ZDHHC20: variants seen among roughly 807,000 people sequenced by gnomAD.
ZDHHC20 encodes the protein palmitoyltransferase ZDHHC20.
In ZDHHC20, 43 loss-of-function variants were observed where a neutral mutation model predicts 57.8. The ratio of observed to expected loss-of-function variants is 0.74; its 90% CI spans 0.58 to 0.96. The LOEUF (loss-of-function observed/expected upper bound fraction) is 0.96, where lower values mean the gene tolerates loss of function less well. Ranked by LOEUF, ZDHHC20 falls within the 40% of genes least tolerant of loss-of-function variation. The probability of loss-of-function intolerance (pLI) is 0.00; values close to 1 mark genes in which losing one functional copy is unlikely to be tolerated. For synonymous variants in ZDHHC20, 157 were observed against 153.0 expected, an observed-to-expected ratio of 1.03 and a Z score of -0.19; for missense variants, 391 against 441.1, an observed-to-expected ratio of 0.89 and a Z score of 1.02.
chr13:21,445,776 G>A (rs7981970), intron 1 of ZDHHC20, among the ~76,000 whole-genome samples: 59,568 of 152,006 alleles, frequency 0.39, 11,930 homozygotes, highest in Non-Finnish European at 0.43. Flanking sequence ...CGACTGGAGA[G>A]AAACAAAAAT....
At chr13:21,454,238 A>C (rs528804210) in intron 1 of ZDHHC20, among the ~76,000 whole-genome samples, 111 of 152,222 alleles carry the variant, frequency 7.3e-4, no homozygotes, top group African/African-American at 2.5e-3. Context: ...AGGCAGGAGA[A>C]TTGCTTGAAC....
intron 11 of ZDHHC20, among the ~76,000 whole-genome samples, chr13:21,379,763 AT>A (rs1872904153): frequency 6.6e-6 from 1 of 152,046 alleles, no homozygotes; most frequent in Admixed American, 6.5e-5. Context: ...CAATTCATAA[AT>A]GATTAAGAGT....
At chr13:21,450,578 G>A (rs980856508) in intron 1 of ZDHHC20, among the ~76,000 whole-genome samples, 2 of 151,886 alleles carry the variant, frequency 1.3e-5, no homozygotes, top group African/African-American at 2.4e-5. Context: ...TAGTAGTCAT[G>A]AGAAAAAAAA....
chr13:21,379,510 G>C (rs537800948), intron 11 of ZDHHC20, among the ~76,000 whole-genome samples: 44 of 152,096 alleles, frequency 2.9e-4, no homozygotes, highest in African/African-American at 1.0e-3. Context: ...TCAAACTCCT[G>C]AGCTCAAGTG....
chr13:21,403,688 TG>T (rs1415868820), intron 4 of ZDHHC20, among the ~76,000 whole-genome samples: 1 of 152,072 alleles, frequency 6.6e-6, no homozygotes, highest in Non-Finnish European at 1.5e-5. Context: ...CTTTTTTGTT[TG>T]TTTTTTTGTT....
intron 4 of ZDHHC20, 49 bp downstream of exon 4, chr13:21,413,603 A>T (rs776323874): frequency 6.5e-7 from 1 of 1,530,932 alleles, no homozygotes; most frequent in Non-Finnish European, 8.8e-7. Flanking sequence ...GGCAGGAATA[A>T]GCATACTTTA....
chr13:21,459,274 C>A lies in ZDHHC20; in HGVS notation c.-103G>T, dbSNP rs1466002344. On this transcript the variant is annotated 5_prime_UTR_variant, in exon 1 of 13. Transcript: ENST00000400590. ...CTCCAGGCGGCTGCTGGTCCAGCTC[C>A]CCCGCCTCCGAGGCAGGACTTGTGG... The A allele has an allele frequency of 3.6e-6, 3 of 840,870 alleles. No individual in the cohort carries two copies. Among genetic ancestry groups the A allele is most frequent in the Non-Finnish European group, 5.3e-6 (3 of 569,056 alleles). The allele number at this position is 840,870 out of a possible 1,614,324, so 52.1% of individuals were successfully genotyped here.
chr13:21,458,187 TC>T (rs1222264237), intron 1 of ZDHHC20, among the ~76,000 whole-genome samples: 32 of 152,154 alleles, frequency 2.1e-4, no homozygotes. Context: ...TTTCCTTCAA[TC>T]TTAAAGGCAA....
rs1179923335 is a variant in ZDHHC20, at chr13:21,374,455, G to T, written c.*2241C>A. The T allele has an allele frequency of 4.4e-6, 2 of 454,862 alleles. No individual in the cohort carries two copies. The highest frequency in any genetic ancestry group is 8.8e-6 in the Non-Finnish European group (2 of 226,246). 28.2% of individuals were successfully genotyped at this position (454,862 alleles called of 1,614,324 possible). A position where few individuals can be genotyped will look rare whatever the true frequency, so the allele number is the denominator to read the frequency against. ...TTGCCATTTTGACCAGGCTAATCTC[G>T]AACCCCTGACCTCAGGTGATCCGCC... On this transcript the variant is annotated 3_prime_UTR_variant, in exon 13 of 13. Coordinates refer to ENST00000400590, the MANE Select transcript of ZDHHC20 (RefSeq NM_001330059.2).
chr13:21,399,301 C>T (rs989777569), intron 7 of ZDHHC20, among the ~76,000 whole-genome samples: 8 of 151,728 alleles, frequency 5.3e-5, no homozygotes, highest in South Asian at 4.2e-4. Flanking sequence ...GATGAGATCG[C>T]GCCACTGCAC....
intron 3 of ZDHHC20, among the ~76,000 whole-genome samples, chr13:21,419,070 AC>A (rs1880346800): frequency 6.6e-6 from 1 of 152,184 alleles, no homozygotes; most frequent in Non-Finnish European, 1.5e-5. Flanking sequence ...AGAATTATTT[AC>A]TTTTTACACA....
At chr13:21,447,194 C>G (rs370996722) in intron 1 of ZDHHC20, among the ~76,000 whole-genome samples, 2 of 150,662 alleles carry the variant, frequency 1.3e-5, no homozygotes, top group South Asian at 2.2e-4. Flanking sequence ...CAGAGACCGC[C>G]GAGGTGCGGG....
At chr13:21,459,013 G>T in intron 1 of ZDHHC20, 41 bp downstream of exon 1, 5 of 1,518,764 alleles carry the variant, frequency 3.3e-6, no homozygotes, top group Non-Finnish European at 4.5e-6. Flanking sequence ...CGCCCTAGCC[G>T]CGGCCCGCGC....
intron 12 of ZDHHC20, chr13:21,377,143 G>T: frequency 5.7e-6 from 1 of 175,726 alleles, no homozygotes; most frequent in Non-Finnish European, 1.2e-5. Context: ...CATGGACCTG[G>T]CTTACAATCA....
intron 9 of ZDHHC20, among the ~76,000 whole-genome samples, chr13:21,383,480 C>CTTCT (rs1873818436): frequency 6.6e-6 from 1 of 151,700 alleles, no homozygotes; most frequent in Non-Finnish European, 1.5e-5. Context: ...TACCCAGTTT[C>CTTCT]GGGTATGTCT....
chr13:21,437,477 A>G (rs924395909), intron 1 of ZDHHC20, among the ~76,000 whole-genome samples: 1 of 152,240 alleles, frequency 6.6e-6, no homozygotes, highest in African/African-American at 2.4e-5. Flanking sequence ...GAACTTTCCT[A>G]GCCAGAGAGA....
At chr13:21,404,286 C>T (rs559777311) in intron 4 of ZDHHC20, 15 of 494,244 alleles carry the variant, frequency 3.0e-5, no homozygotes, top group African/African-American at 2.1e-4. Context: ...TTTCTAAAGC[C>T]GACTTCCCCT....
chr13:21,448,868 C>T (rs1297661310), intron 1 of ZDHHC20, among the ~76,000 whole-genome samples: 3 of 88,820 alleles, frequency 3.4e-5, no homozygotes, highest in Non-Finnish European at 5.5e-5. Context: ...TTTTGTTCTG[C>T]ACTAAGAAAA....
At chr13:21,441,210 T>G (rs1653191395) in intron 1 of ZDHHC20, among the ~76,000 whole-genome samples, 1 of 152,222 alleles carries the variant, frequency 6.6e-6, no homozygotes, top group Admixed American at 6.5e-5. Flanking sequence ...TGTTGAATTA[T>G]TCTGTCTATG....
Sources: gnomAD v4.1 joint callset for allele counts (sites outside exome capture counted in the v4.1 genomes callset) on GRCh38, gnomAD v4.1.1 for gene constraint, MANE v1.5 for transcripts, NCBI Gene and HGNC (gene_info 2026-07-23, HGNC 2026-07-21) for gene names.